The following PRDM5 variants were observed in gnomAD, a reference collection of about 807,000 sequenced individuals.
PRDM5 encodes the protein PR domain zinc finger protein 5.
In PRDM5, 56 loss-of-function variants were observed where a neutral mutation model predicts 81.2. The observed-to-expected ratio is 0.69, with a 90% CI of 0.56 to 0.86. The LOEUF is 0.86. Ranked by LOEUF, PRDM5 falls within the 40% of genes least tolerant of loss-of-function variation. The probability of loss-of-function intolerance (pLI) is 0.00; values close to 1 mark genes in which losing one functional copy is unlikely to be tolerated. For missense variants in PRDM5, 697 were observed against 770.1 expected, an observed-to-expected ratio of 0.91 and a Z score of 1.12; for synonymous variants, 267 against 256.4, an observed-to-expected ratio of 1.04 and a Z score of -0.39.
chr4:120,789,138 C>T (rs190059312), intron 10 of PRDM5, among the ~76,000 whole-genome samples: 1 of 152,224 alleles, frequency 6.6e-6, no homozygotes, highest in Non-Finnish European at 1.5e-5. Context: ...CTAACATCTC[C>T]CAATGTAACA....
At chr4:120,773,834 A>G (rs545839509) in intron 13 of PRDM5, among the ~76,000 whole-genome samples, 6 of 152,332 alleles carry the variant, frequency 3.9e-5, no homozygotes, top group African/African-American at 1.4e-4. Flanking sequence ...CAGCAGGATG[A>G]GTGAAGAAAC....
At position 120,709,706 on chromosome 4, in the gene PRDM5, G is replaced by T. The variant is rs6843059; in HGVS notation, c.1728+603C>A. Among the ~76,000 whole-genome samples the T allele has an allele frequency of 8.3e-4, 126 of 151,880 alleles. 1 individual carries two copies. The highest frequency in any genetic ancestry group is 2.9e-3 in the African/African-American group (121 of 41,380). ...GCCAATCCCGCACAAAAGAACAGTG[G>T]TTTTTTTTCCCCTAAATTGATCAAT... On this transcript the variant is annotated intron_variant, in intron 15 of 15. Coordinates refer to ENST00000264808, the MANE Select transcript of PRDM5 (RefSeq NM_018699.4).
downstream of PRDM5, among the ~76,000 whole-genome samples, chr4:120,691,584 T>C (rs1734054896): frequency 6.6e-6 from 1 of 152,182 alleles, no homozygotes; most frequent in Non-Finnish European, 1.5e-5. Flanking sequence ...TTACTTAAGA[T>C]GCTACTAATC....
rs1008612855 is a variant in PRDM5, at chr4:120,916,170, C to T, written c.93+6346G>A. 4.5e-4 allele frequency among the ~76,000 whole-genome samples: 69 copies of T among 152,072 alleles called. 5 individuals are homozygous for T. Among genetic ancestry groups the T allele is most frequent in the Admixed American group, 1.3e-4 (2 of 15,256 alleles). On this transcript the variant is annotated intron_variant, in intron 1 of 15. Coordinates refer to ENST00000264808, the MANE Select transcript of PRDM5 (RefSeq NM_018699.4). ...TTGGGAGGCCGAGGTGGGCAAATCA[C>T]TTGAGGTCAGGAGTTCGAGATCAGC...
chr4:120,820,470 T>C (rs1044350994), intron 4 of PRDM5, among the ~76,000 whole-genome samples: 2 of 152,228 alleles, frequency 1.3e-5, no homozygotes, highest in African/African-American at 4.8e-5. Flanking sequence ...CATATATCCC[T>C]TAAATTTCCC....
At chr4:120,840,142 C>T (rs1181840082) in intron 3 of PRDM5, among the ~76,000 whole-genome samples, 1 of 152,180 alleles carries the variant, frequency 6.6e-6, no homozygotes, top group East Asian at 1.9e-4. Flanking sequence ...CTCCTGGCTC[C>T]CACTGGCTCC....
intron 4 of PRDM5, among the ~76,000 whole-genome samples, chr4:120,820,945 C>T (rs759438727): frequency 6.6e-6 from 1 of 152,224 alleles, no homozygotes; most frequent in Non-Finnish European, 1.5e-5. Context: ...GCCCTGCCTG[C>T]GGCCTAGGCA....
At chr4:120,731,102 C>T (rs1740185136) in intron 14 of PRDM5, among the ~76,000 whole-genome samples, 1 of 152,202 alleles carries the variant, frequency 6.6e-6, no homozygotes, top group Admixed American at 6.5e-5. Context: ...TGAATATTGA[C>T]TATGACACTT....
intron 5 of PRDM5, among the ~76,000 whole-genome samples, chr4:120,817,765 TTA>T (rs1181941908): frequency 6.6e-6 from 1 of 152,174 alleles, no homozygotes; most frequent in Non-Finnish European, 1.5e-5. Flanking sequence ...AAAGATAATT[TTA>T]TGTTGTTAAT....
At chr4:120,913,025 C>T (rs1561707960) in intron 1 of PRDM5, among the ~76,000 whole-genome samples, 1 of 152,208 alleles carries the variant, frequency 6.6e-6, no homozygotes. Flanking sequence ...CTTCCTTCCC[C>T]ACTGTAGGAA....
intron 13 of PRDM5, among the ~76,000 whole-genome samples, chr4:120,763,433 A>C (rs1037372972): frequency 6.6e-6 from 1 of 152,170 alleles, no homozygotes; most frequent in Non-Finnish European, 1.5e-5. Flanking sequence ...TGTCTAAGGG[A>C]GCAAGACGAC....
At chr4:120,733,886 C>T (rs843564) in intron 14 of PRDM5, among the ~76,000 whole-genome samples, 145,873 of 147,308 alleles carry the variant, frequency 0.99, 72,239 homozygotes, top group South Asian at 1. Flanking sequence ...AACAATGACA[C>T]AAAAGTAAAA....
chr4:120,795,363 A>T (rs150792351), intron 10 of PRDM5, among the ~76,000 whole-genome samples: 1 of 152,178 alleles, frequency 6.6e-6, no homozygotes, highest in African/African-American at 2.4e-5. Flanking sequence ...GAGGGTGAAG[A>T]GTAATTGAAC....
At chr4:120,764,992 AATC>A (rs1296697049) in intron 13 of PRDM5, among the ~76,000 whole-genome samples, 3 of 152,118 alleles carry the variant, frequency 2.0e-5, no homozygotes, top group East Asian at 3.8e-4. Flanking sequence ...ATAATTCAGT[AATC>A]ATCTAATTTT....
chr4:120,710,209 A>G (rs999474621), intron 15 of PRDM5, 100 bp downstream of exon 15: 13 of 1,013,798 alleles, frequency 1.3e-5, no homozygotes, highest in Non-Finnish European at 3.0e-6. Context: ...GCAATGCAAC[A>G]CACACACACA....
chr4:120,694,874 C>A lies in PRDM5; in HGVS notation c.*237G>T. The A allele has an allele frequency of 2.0e-6, 1 of 498,558 alleles. No individual in the cohort carries two copies. Among genetic ancestry groups the A allele is most frequent in the Non-Finnish European group, 3.6e-6 (1 of 275,798 alleles). 30.9% of individuals were successfully genotyped at this position (498,558 alleles called of 1,614,324 possible). A position where few individuals can be genotyped will look rare whatever the true frequency, so the allele number is the denominator to read the frequency against. On this transcript the variant is annotated 3_prime_UTR_variant, in exon 16 of 16. Transcript: ENST00000264808. ...TTCTCCATTTTTATAAGACAGAGCA[C>A]AAGTTGCATTTTGCAAGGCTATGGA...
At chr4:120,788,103 A>T (rs1377206357) in intron 10 of PRDM5, among the ~76,000 whole-genome samples, 2 of 152,204 alleles carry the variant, frequency 1.3e-5, no homozygotes, top group African/African-American at 4.8e-5. Context: ...ACAAATGTGC[A>T]CATCCCTTGA....
At chr4:120,725,463 C>G (rs1318407425) in intron 14 of PRDM5, among the ~76,000 whole-genome samples, 1 of 152,148 alleles carries the variant, frequency 6.6e-6, no homozygotes, top group Non-Finnish European at 1.5e-5. Context: ...TAACCAGAAA[C>G]AGATCACATT....
At chr4:120,742,853 C>T (rs1742290139) in intron 14 of PRDM5, among the ~76,000 whole-genome samples, 2 of 152,112 alleles carry the variant, frequency 1.3e-5, no homozygotes, top group Non-Finnish European at 2.9e-5. Flanking sequence ...GGAAAACACT[C>T]TGCAGGATAT....
Sources: gnomAD v4.1 joint callset for allele counts (sites outside exome capture counted in the v4.1 genomes callset) on GRCh38, gnomAD v4.1.1 for gene constraint, MANE v1.5 for transcripts, NCBI Gene and HGNC (gene_info 2026-07-23, HGNC 2026-07-21) for gene names.